Variants in GNG2 observed in about 807,000 individuals in gnomAD.
GNG2 encodes guanine nucleotide-binding protein G(I)/G(S)/G(O) subunit gamma-2.
In GNG2, 5 loss-of-function variants were observed where a neutral mutation model predicts 5.5. That is an observed-to-expected ratio of 0.91 (90% CI 0.48 to 1.92). The LOEUF (loss-of-function observed/expected upper bound fraction) is 1.92. GNG2 is among the 30% of genes most tolerant of loss of function. The pLI, the probability that GNG2 is intolerant of heterozygous loss-of-function variation, is 0.01. For synonymous variants in GNG2, 28 were observed against 32.0 expected (o/e 0.88, Z 0.42); for missense variants, 55 against 88.4 (o/e 0.62, Z 1.52).
At chr14:51,904,056 T>C (rs1885741075) in intron 2 of GNG2, among the ~76,000 whole-genome samples, 1 of 152,134 alleles carries the variant, frequency 6.6e-6, no homozygotes, top group African/African-American at 2.4e-5. Context: ...TCTTCAGACA[T>C]GCAGGATGGG....
In GNG2 at chr14:51,869,998, G is replaced by C. The variant is rs555107798; in HGVS notation, c.-70-7619G>C. Among the ~76,000 whole-genome samples the C allele has an allele frequency of 2.0e-5, 3 of 152,252 alleles. No homozygotes were observed. The East Asian group carries it at 5.8e-4, about 29-fold the overall frequency. On this transcript the variant is annotated intron_variant, in intron 1 of 3. Coordinates refer to ENST00000556766, the MANE Select transcript of GNG2 (RefSeq NM_053064.5). Reference sequence around the variant, plus strand: ...CAAAGTCATCAGACCCCAGCAAAAGGGTCTGGTTCTATTAGCAAGGAAGAG... The same window carrying C: ...CAAAGTCATCAGACCCCAGCAAAAGCGTCTGGTTCTATTAGCAAGGAAGAG...
chr14:51,911,093 C>G (rs10147806), intron 2 of GNG2, among the ~76,000 whole-genome samples: 44,394 of 152,024 alleles, frequency 0.29, 7,110 homozygotes, highest in Non-Finnish European at 0.37. Context: ...GTGCACTTGG[C>G]GGGTGAGAGG....
intron 2 of GNG2, among the ~76,000 whole-genome samples, chr14:51,906,957 G>A (rs1320423427): frequency 6.6e-6 from 1 of 151,916 alleles, no homozygotes; most frequent in Admixed American, 6.6e-5. Flanking sequence ...GGGTTTCACC[G>A]TGTTAGCCAG....
At chr14:51,865,111 G>T (rs928408135) in intron 1 of GNG2, among the ~76,000 whole-genome samples, 1 of 152,152 alleles carries the variant, frequency 6.6e-6, no homozygotes. Context: ...GGTTTGAAGA[G>T]CTCCTGAATA....
chr14:51,919,244 A>G (rs1253669), intron 2 of GNG2, among the ~76,000 whole-genome samples: 83,988 of 152,046 alleles, frequency 0.55, 23,760 homozygotes, highest in African/African-American at 0.66. Context: ...TTTCAGAAGT[A>G]ACTGGAGTGG....
intron 3 of GNG2, among the ~76,000 whole-genome samples, chr14:51,952,741 C>G (rs1889061428): frequency 6.6e-6 from 1 of 152,180 alleles, no homozygotes; most frequent in African/African-American, 2.4e-5. Flanking sequence ...TTTATCATCC[C>G]TCACCTGAAT....
At chr14:51,959,721 T>C (rs1889480179) in intron 3 of GNG2, among the ~76,000 whole-genome samples, 1 of 64,638 alleles carries the variant, frequency 1.5e-5, no homozygotes, top group South Asian at 4.3e-4. Flanking sequence ...ATTTTGTAAG[T>C]TTCTACCAAA....
intron 2 of GNG2, among the ~76,000 whole-genome samples, chr14:51,903,603 C>A (rs1219758728): frequency 6.6e-6 from 1 of 152,220 alleles, no homozygotes; most frequent in Non-Finnish European, 1.5e-5. Flanking sequence ...AGTGAACACA[C>A]ACAGTTCCAG....
At chr14:51,866,195 G>C (rs1186405728) in intron 1 of GNG2, among the ~76,000 whole-genome samples, 2 of 152,164 alleles carry the variant, frequency 1.3e-5, no homozygotes, top group Admixed American at 1.3e-4. Flanking sequence ...GCATTCCCCT[G>C]ATCCTCTTCC....
chr14:51,835,278 A>G (rs1000362084), intron 2 of GNG2, among the ~76,000 whole-genome samples: 2 of 152,216 alleles, frequency 1.3e-5, no homozygotes, highest in African/African-American at 4.8e-5. Context: ...GATGAAGAGA[A>G]AGACTGGGCA....
chr14:51,963,058 G>A (rs1010188434), intron 3 of GNG2, among the ~76,000 whole-genome samples: 8 of 152,194 alleles, frequency 5.3e-5, no homozygotes, highest in Non-Finnish European at 1.2e-4. Flanking sequence ...ATAAGATACC[G>A]TATGTAAAGT....
chr14:51,929,950 C>T (rs1164025270), intron 2 of GNG2, among the ~76,000 whole-genome samples: 3 of 152,138 alleles, frequency 2.0e-5, no homozygotes, highest in Admixed American at 1.3e-4. Flanking sequence ...AATATATCAC[C>T]TTAATTTTAA....
intron 2 of GNG2, among the ~76,000 whole-genome samples, chr14:51,900,751 C>G (rs893592163): frequency 6.6e-6 from 1 of 152,030 alleles, no homozygotes; most frequent in African/African-American, 2.4e-5. Context: ...TCCTAAAGTT[C>G]TTTCCAGCTG....
intron 2 of GNG2, among the ~76,000 whole-genome samples, chr14:51,894,740 G>C (rs184987400): frequency 6.6e-6 from 1 of 152,076 alleles, no homozygotes; most frequent in East Asian, 1.9e-4. Flanking sequence ...AAAGTACATA[G>C]AGGAGTCTCA....
intron 2 of GNG2, among the ~76,000 whole-genome samples, chr14:51,902,939 A>G (rs575218827): frequency 1.3e-5 from 2 of 152,298 alleles, no homozygotes; most frequent in Admixed American, 6.5e-5. Context: ...GAAAAATTCA[A>G]TGCAGGAGAA....
At chr14:51,827,951 C>T (rs996936065) in intron 2 of GNG2, 12 of 580,918 alleles carry the variant, frequency 2.1e-5, no homozygotes, top group South Asian at 1.5e-4. Flanking sequence ...CATAAAGCTG[C>T]GGAAGATGAG....
chr14:51,848,436 C>G (rs1594833625), intron 2 of GNG2, among the ~76,000 whole-genome samples: 1 of 152,262 alleles, frequency 6.6e-6, no homozygotes, highest in African/African-American at 2.4e-5. Flanking sequence ...ATCCTTATAC[C>G]CTATGTGTGC....
intron 2 of GNG2, among the ~76,000 whole-genome samples, chr14:51,839,631 C>G (rs1369222563): frequency 6.6e-6 from 1 of 152,098 alleles, no homozygotes; most frequent in Non-Finnish European, 1.5e-5. Context: ...GAGGAGTTAA[C>G]TGCAAAGGAG....
chr14:51,935,168 G>A (rs1488779958), intron 2 of GNG2, among the ~76,000 whole-genome samples: 1 of 152,034 alleles, frequency 6.6e-6, no homozygotes, highest in Non-Finnish European at 1.5e-5. Flanking sequence ...GGGACTACAG[G>A]TGCCTGCCAC....
Sources: allele counts gnomAD v4.1 joint callset (sites outside exome capture counted in the v4.1 genomes callset), GRCh38; gene constraint gnomAD v4.1.1; transcripts MANE v1.5; gene names NCBI Gene and HGNC (gene_info 2026-07-23, HGNC 2026-07-21).